Variants in TMEM170B observed in about 807,000 individuals in gnomAD.
TMEM170B encodes transmembrane protein 170B.
In TMEM170B, 6 loss-of-function variants were observed where a neutral mutation model predicts 13.0. The ratio of observed to expected loss-of-function variants is 0.46; its 90% CI spans 0.25 to 0.91. The LOEUF (loss-of-function observed/expected upper bound fraction) is 0.91. Among genes scored for constraint, TMEM170B ranks in the 40% least tolerant of loss-of-function variants. TMEM170B has a pLI of 0.17. For missense variants in TMEM170B, 138 were observed against 165.2 expected, an observed-to-expected ratio of 0.84 and a Z score of 0.90; for synonymous variants, 61 against 64.9, an observed-to-expected ratio of 0.94 and a Z score of 0.29.
At chr6:11,571,985 T>G (rs12203104) in intron 2 of TMEM170B, among the ~76,000 whole-genome samples, 8,792 of 152,084 alleles carry the variant, frequency 0.058, 277 homozygotes, top group East Asian at 0.16. Flanking sequence ...ATAGATAATA[T>G]CTCTTACCCA....
intron 2 of TMEM170B, among the ~76,000 whole-genome samples, chr6:11,574,095 C>A (rs996716086): frequency 6.6e-6 from 1 of 151,954 alleles, no homozygotes; most frequent in African/African-American, 2.4e-5. Context: ...TTGAAAAATC[C>A]CGGCTCTTGT....
chr6:11,573,325 A>G (rs896599788), intron 2 of TMEM170B, among the ~76,000 whole-genome samples: 7 of 152,104 alleles, frequency 4.6e-5, no homozygotes, highest in Non-Finnish European at 1.5e-5. Flanking sequence ...ATTTTTTTGA[A>G]ATGGCTACCA....
At chr6:11,554,743 C>G (rs75972596) in intron 1 of TMEM170B, among the ~76,000 whole-genome samples, 7,698 of 152,042 alleles carry the variant, frequency 0.051, 274 homozygotes, top group African/African-American at 0.095. Flanking sequence ...TTAAGATGGG[C>G]ACTATGTTAA....
chr6:11,569,574 A>C (rs1759774746), intron 2 of TMEM170B, among the ~76,000 whole-genome samples: 1 of 152,226 alleles, frequency 6.6e-6, no homozygotes, highest in Admixed American at 6.5e-5. Context: ...AAGCAGCCAT[A>C]GACATATGTA....
Position 11,580,710 on chromosome 6 carries a change from A to G in TMEM170B, c.*5149A>G, listed in dbSNP as rs1452059497. 2 of 152,214 alleles carry G rather than the reference A, an allele frequency of 1.3e-5. No homozygotes were observed. Among genetic ancestry groups the G allele is most frequent in the African/African-American group, 4.8e-5 (2 of 41,462 alleles). The allele number at this position is 152,214 out of a possible 1,614,324, so 9.4% of individuals were successfully genotyped here. A position where few individuals can be genotyped will look rare whatever the true frequency, so the allele number is the denominator to read the frequency against. ...AAGAAGACTCTTCAGGATAAAAAGG[A>G]TATTATTTGATTAAAAATTATAGCA... On this transcript the variant is annotated 3_prime_UTR_variant, in exon 3 of 3. Coordinates refer to ENST00000379426, the MANE Select transcript of TMEM170B (RefSeq NM_001100829.3).
rs1321545797 is a variant in TMEM170B at position 11,579,828 on chromosome 6, CT to C, written c.*4269del. On this transcript the variant is annotated 3_prime_UTR_variant, in exon 3 of 3. Coordinates refer to ENST00000379426, the MANE Select transcript of TMEM170B (RefSeq NM_001100829.3). ...TTTCTGCTATTTGCTAATTATTCTTCTTGAAAAGTAAGAGCGATATATAACC... is the reference window on the plus strand; with the variant it reads ...TTTCTGCTATTTGCTAATTATTCTTCTGAAAAGTAAGAGCGATATATAACC... 2 of 152,212 alleles carry C rather than the reference CT, an allele frequency of 1.3e-5. No individual in the cohort carries two copies. The highest frequency in any genetic ancestry group is 2.9e-5 in the Non-Finnish European group (2 of 68,052). 9.4% of individuals were successfully genotyped at this position (152,212 alleles called of 1,614,324 possible).
Position 11,537,776 on chromosome 6 carries a change from G to T in TMEM170B, c.-502G>T, listed in dbSNP as rs1027067620. ...TCGAGTGTCGGCGACCCGAGGGCGG[G>T]CAGGCGGGCGGCAGGTGCCGCCGCA... On this transcript the variant is annotated 5_prime_UTR_variant, in exon 1 of 3. Transcript: ENST00000379426. 1.3e-5 allele frequency among the ~76,000 whole-genome samples: 2 copies of T among 151,538 alleles called. No individual in the cohort carries two copies. Among genetic ancestry groups the T allele is most frequent in the African/African-American group, 4.8e-5 (2 of 41,368 alleles).
At chr6:11,546,012 TAAA>T (rs35584418) in intron 1 of TMEM170B, among the ~76,000 whole-genome samples, 3 of 95,560 alleles carry the variant, frequency 3.1e-5, no homozygotes, top group Admixed American at 1.4e-4. Flanking sequence ...ACTCCGTCTT[TAAA>T]AAAAAAAAAA....
At chr6:11,544,676 G>A (rs557878492) in intron 1 of TMEM170B, among the ~76,000 whole-genome samples, 11 of 152,168 alleles carry the variant, frequency 7.2e-5, no homozygotes, top group South Asian at 4.2e-4. Context: ...CTAATCCCTC[G>A]AAACCCCGTA....
chr6:11,564,413 T>C (rs1251647672), intron 1 of TMEM170B, among the ~76,000 whole-genome samples: 7 of 152,236 alleles, frequency 4.6e-5, no homozygotes, highest in Admixed American at 4.6e-4. Context: ...CCATTTTAAT[T>C]CTTTAATGAC....
chr6:11,568,044 T>C (rs2113779597), intron 2 of TMEM170B, among the ~76,000 whole-genome samples: 1 of 152,140 alleles, frequency 6.6e-6, no homozygotes, highest in East Asian at 1.9e-4. Context: ...AATAAAACAG[T>C]ACCTAGAACA....
At chr6:11,554,384 G>C (rs774452998) in intron 1 of TMEM170B, among the ~76,000 whole-genome samples, 2 of 151,676 alleles carry the variant, frequency 1.3e-5, no homozygotes, top group African/African-American at 4.8e-5. Context: ...ACTAGATTCA[G>C]ATTTTGACAT....
rs573224602 is a variant in TMEM170B at position 11,578,369 on chromosome 6, T to C, written c.*2808T>C. 7.9e-5 allele frequency: 12 copies of C among 152,260 alleles called. No individual in the cohort carries two copies. Among genetic ancestry groups the C allele is most frequent in the African/African-American group, 2.4e-4 (10 of 41,554 alleles). 9.4% of individuals were successfully genotyped at this position (152,260 alleles called of 1,614,324 possible). A position where few individuals can be genotyped will look rare whatever the true frequency, so the allele number is the denominator to read the frequency against. On this transcript the variant is annotated 3_prime_UTR_variant, in exon 3 of 3. Transcript: ENST00000379426. ...TCCTCTATAGTGGACACTCCTTTAT[T>C]TAAAAAATGTTTAATAAAATATTGT...
intron 1 of TMEM170B, among the ~76,000 whole-genome samples, chr6:11,541,565 C>G (rs1759361140): frequency 6.6e-6 from 1 of 152,200 alleles, no homozygotes; most frequent in East Asian, 1.9e-4. Context: ...TTAGACCACT[C>G]AAACTTTCTT....
intron 1 of TMEM170B, among the ~76,000 whole-genome samples, chr6:11,542,203 A>C (rs1418829600): frequency 6.6e-6 from 1 of 152,162 alleles, no homozygotes; most frequent in African/African-American, 2.4e-5. Context: ...GTAGATATTA[A>C]TCACTGGATT....
chr6:11,559,576 A>C (rs150267391), intron 1 of TMEM170B, among the ~76,000 whole-genome samples: 7 of 152,194 alleles, frequency 4.6e-5, no homozygotes, highest in Non-Finnish European at 8.8e-5. Context: ...CTCATGGGCT[A>C]TATTTTGCCG....
intron 2 of TMEM170B, among the ~76,000 whole-genome samples, chr6:11,573,127 G>A (rs1044925597): frequency 6.6e-6 from 1 of 152,042 alleles, no homozygotes; most frequent in Non-Finnish European, 1.5e-5. Context: ...TTTCCAGTCT[G>A]TTCATTGATG....
rs1759950633 is a variant in TMEM170B, at chr6:11,581,092, C to T, written c.*5531C>T. ...AAATGTGGAGATATATCAGATAATACTTTTAAATTAGTGGAAACACATTTC... is the reference window on the plus strand; with the variant it reads ...AAATGTGGAGATATATCAGATAATATTTTTAAATTAGTGGAAACACATTTC... On this transcript the variant is annotated 3_prime_UTR_variant, in exon 3 of 3. Transcript: ENST00000379426. 1 of 152,172 alleles carries T rather than the reference C, an allele frequency of 6.6e-6. No individual in the cohort carries two copies. The highest frequency in any genetic ancestry group is 6.5e-5 in the Admixed American group (1 of 15,278). 9.4% of individuals were successfully genotyped at this position (152,172 alleles called of 1,614,324 possible).
Position 11,574,423 on chromosome 6 carries a change from T to C in TMEM170B, c.269-1008T>C, listed in dbSNP as rs186423516. ...AATTAATCTTTAGCTAATTTTTTTC[T>C]AAGTTGACAAGTAAAAATTATATTC... On this transcript the variant is annotated intron_variant, in intron 2 of 2. Transcript: ENST00000379426. Among the ~76,000 whole-genome samples, 45 of 152,290 alleles carry C rather than the reference T, an allele frequency of 3.0e-4. 1 individual carries two copies. Among genetic ancestry groups the C allele is most frequent in the Admixed American group, 2.8e-3 (43 of 15,294 alleles).
Sources: allele counts gnomAD v4.1 joint callset (sites outside exome capture counted in the v4.1 genomes callset), GRCh38; gene constraint gnomAD v4.1.1; transcripts MANE v1.5; gene names NCBI Gene and HGNC (gene_info 2026-07-23, HGNC 2026-07-21).